Variants in DNAH14 observed in about 807,000 individuals in gnomAD.
The protein encoded by DNAH14 is dynein axonemal heavy chain 14.
A neutral mutation model predicts 520.9 loss-of-function variants in DNAH14; 478 were observed. That is an observed-to-expected ratio of 0.92 (90% confidence interval 0.85 to 0.99). The LOEUF (loss-of-function observed/expected upper bound fraction) is 0.99, where lower values mean the gene tolerates loss of function less well. DNAH14 is among the 50% of genes least tolerant of loss of function. The probability of loss-of-function intolerance (pLI) is 0.00; values close to 1 mark genes in which losing one functional copy is unlikely to be tolerated. For synonymous variants in DNAH14, 1,581 were observed against 1,757.2 expected (o/e 0.90, Z 2.51); for missense variants, 4,831 against 5,234.5 (o/e 0.92, Z 2.38).
intron 43 of DNAH14, among the ~76,000 whole-genome samples, chr1:225,242,845 A>G (rs2092047587): frequency 6.6e-6 from 1 of 152,214 alleles, no homozygotes; most frequent in Non-Finnish European, 1.5e-5. Context: ...TGACATTATG[A>G]CAGCTACGAT....
intron 12 of DNAH14, among the ~76,000 whole-genome samples, chr1:225,041,141 A>G (rs1290756914): frequency 6.6e-6 from 1 of 152,134 alleles, no homozygotes; most frequent in East Asian, 1.9e-4. Context: ...ATTTATGTCC[A>G]CTTTTGTCCC....
chr1:225,039,541 CTCATT>C (rs2067257731), intron 12 of DNAH14, among the ~76,000 whole-genome samples: 1 of 150,934 alleles, frequency 6.6e-6, no homozygotes, highest in Non-Finnish European at 1.5e-5. Context: ...GGAAATATAT[CTCATT>C]TATTTTATGA....
chr1:225,007,361 T>TA, intron 9 of DNAH14, 52 bp from the exon 10 acceptor site: 1 of 1,378,722 alleles, frequency 7.3e-7, no homozygotes, highest in East Asian at 2.9e-5. Flanking sequence ...TTATCTTTTT[T>TA]AAATATGAAT....
At chr1:225,378,269 A>G (rs182061019) in intron 79 of DNAH14, among the ~76,000 whole-genome samples, 13 of 151,972 alleles carry the variant, frequency 8.6e-5, no homozygotes, top group African/African-American at 2.7e-4. Context: ...TGTCTGTGGG[A>G]CTTAATCCAA....
intron 9 of DNAH14, among the ~76,000 whole-genome samples, chr1:225,004,741 A>C (rs1430663869): frequency 6.6e-6 from 1 of 152,164 alleles, no homozygotes; most frequent in Non-Finnish European, 1.5e-5. Context: ...GTCAGGAGTC[A>C]AGGTGGCCAG....
chr1:224,930,650 T>C (rs1275575152), intron 1 of DNAH14, among the ~76,000 whole-genome samples: 1 of 152,080 alleles, frequency 6.6e-6, no homozygotes, highest in Non-Finnish European at 1.5e-5. Flanking sequence ...CAGGCTGGAG[T>C]GCAGTGGCGC....
intron 42 of DNAH14, among the ~76,000 whole-genome samples, chr1:225,239,869 AT>A (rs2091862612): frequency 6.6e-6 from 1 of 152,202 alleles, no homozygotes; most frequent in African/African-American, 2.4e-5. Context: ...GTTTTTCACA[AT>A]TTATAAATAG....
chr1:225,211,716 GA>G (rs1162161890), intron 41 of DNAH14, among the ~76,000 whole-genome samples: 1 of 151,574 alleles, frequency 6.6e-6, no homozygotes, highest in African/African-American at 2.4e-5. Flanking sequence ...AGGTTGAAAT[GA>G]AAAAAAATCT....
At chr1:224,950,064 T>C (rs890666939) in intron 1 of DNAH14, among the ~76,000 whole-genome samples, 3 of 151,852 alleles carry the variant, frequency 2.0e-5, no homozygotes, top group Non-Finnish European at 2.9e-5. Context: ...ACATTCCATC[T>C]ACCTCCCTTT....
At chr1:225,264,085 T>C in intron 46 of DNAH14, 112 bp from the exon 47 acceptor site, 1 of 890,836 alleles carries the variant, frequency 1.1e-6, no homozygotes, top group Non-Finnish European at 1.7e-6. Context: ...AAAATTTTTC[T>C]TGTAAGAGTT....
intron 1 of DNAH14, among the ~76,000 whole-genome samples, chr1:224,933,849 C>T (rs769910622): frequency 2.0e-5 from 3 of 152,048 alleles, no homozygotes; most frequent in South Asian, 2.1e-4. Context: ...AGGAGTTTTG[C>T]GTCTATGTTC....
At chr1:225,327,819 C>T (rs1467923092) in intron 64 of DNAH14, among the ~76,000 whole-genome samples, 1 of 151,418 alleles carries the variant, frequency 6.6e-6, no homozygotes, top group East Asian at 1.9e-4. Context: ...AATGAACAAA[C>T]CTCTAGGGGA....
intron 38 of DNAH14, among the ~76,000 whole-genome samples, chr1:225,196,320 T>G (rs971138508): frequency 6.6e-6 from 1 of 152,132 alleles, no homozygotes; most frequent in Non-Finnish European, 1.5e-5. Flanking sequence ...GTCTCCAATC[T>G]CATGCAGAGC....
At chr1:224,947,950 G>A (rs2059949344) in intron 1 of DNAH14, among the ~76,000 whole-genome samples, 1 of 151,850 alleles carries the variant, frequency 6.6e-6, no homozygotes, top group African/African-American at 2.4e-5. Context: ...TGATCCAGTA[G>A]GTGGTTGATT....
chr1:225,263,409 T>C (rs1574378225), intron 46 of DNAH14, among the ~76,000 whole-genome samples: 1 of 152,064 alleles, frequency 6.6e-6, no homozygotes, highest in Non-Finnish European at 1.5e-5. Flanking sequence ...CTAGGAATCA[T>C]CTTTGAATTT....
At chr1:225,051,137 C>T (rs368996317) in intron 16 of DNAH14, among the ~76,000 whole-genome samples, 12 of 152,012 alleles carry the variant, frequency 7.9e-5, no homozygotes, top group Non-Finnish European at 1.5e-4. Flanking sequence ...TAGGGCTAAG[C>T]GTAGTATACT....
intron 31 of DNAH14, among the ~76,000 whole-genome samples, chr1:225,151,564 T>C (rs983387466): frequency 6.6e-6 from 1 of 152,190 alleles, no homozygotes; most frequent in Admixed American, 6.5e-5. Context: ...TTCTATCTCA[T>C]AGTGGTCCCA....
Position 225,381,522 on chromosome 1 carries a change from AGAATTGG to A in DNAH14, c.13021_13027del (p.Glu4341ArgfsTer10). On this transcript the variant is annotated frameshift_variant, in exon 81 of 86. Transcript: ENST00000682510. LOFTEE classifies it high-confidence loss of function. ...TAAAAGGAGAGATCATCCTCACCCA[AGAATTGG>A]AGGAAATATTTAACTCTTTTCTTAA... 1 of 1,547,848 alleles carries A rather than the reference AGAATTGG, an allele frequency of 6.5e-7. No homozygotes were observed. The highest frequency in any genetic ancestry group is 8.7e-7 in the Non-Finnish European group (1 of 1,146,028).
intron 33 of DNAH14, among the ~76,000 whole-genome samples, chr1:225,153,492 T>C (rs1398690878): frequency 6.6e-6 from 1 of 152,130 alleles, no homozygotes; most frequent in Non-Finnish European, 1.5e-5. Context: ...CTCATTCTAG[T>C]TCAGAGAAAA....
Sources: allele counts gnomAD v4.1 joint callset (sites outside exome capture counted in the v4.1 genomes callset), GRCh38; gene constraint gnomAD v4.1.1; transcripts MANE v1.5; gene names NCBI Gene and HGNC (gene_info 2026-07-23, HGNC 2026-07-21).